Variants in HS6ST3 observed in about 807,000 individuals in gnomAD.
The protein encoded by HS6ST3 is heparan sulfate 6-O-sulfotransferase 3, also known as heparan-sulfate 6-O-sulfotransferase 3.
Under a neutral mutation model 36.7 loss-of-function variants are expected in HS6ST3, and 12 were observed. The observed-to-expected ratio is 0.33, with a 90% CI of 0.21 to 0.53. HS6ST3 has a LOEUF of 0.53. Among genes scored for constraint, HS6ST3 ranks in the 20% least tolerant of loss-of-function variants. The pLI, the probability that HS6ST3 is intolerant of heterozygous loss-of-function variation, is 0.95. For missense variants in HS6ST3, 584 were observed against 640.9 expected (o/e 0.91, Z 0.96); for synonymous variants, 240 against 257.5 (o/e 0.93, Z 0.65).
At position 96,240,412 on chromosome 13, in the gene HS6ST3, A is replaced by G. The variant is rs141374158; in HGVS notation, c.707+148843A>G. Among the ~76,000 whole-genome samples, 1,242 of 152,362 alleles carry G rather than the reference A, an allele frequency of 8.2e-3. 3 individuals carry two copies. The highest frequency in any genetic ancestry group is 0.013 in the Non-Finnish European group (915 of 68,040). ...AAGCTTTAGTACTCTATTGCTAAGA[A>G]TGGTGGCTATAATACATAATAATGT... On this transcript the variant is annotated intron_variant, in intron 1 of 1. Transcript: ENST00000376705.
At chr13:96,535,325 G>C (rs1215154179) in intron 1 of HS6ST3, among the ~76,000 whole-genome samples, 1 of 152,070 alleles carries the variant, frequency 6.6e-6, no homozygotes, top group Admixed American at 6.6e-5. Flanking sequence ...GGGAAACCAA[G>C]GCGGGCGAAT....
chr13:96,334,491 A>G lies in HS6ST3; in HGVS notation c.707+242922A>G, dbSNP rs367797489. ...AATTACTGCATTCGTCAGTTCTCAC[A>G]CTGCTCATAAAGACCTACCTGAGAC... On this transcript the variant is annotated intron_variant, in intron 1 of 1. Transcript: ENST00000376705. Among the ~76,000 whole-genome samples, 89 of 152,326 alleles carry G rather than the reference A, an allele frequency of 5.8e-4. 1 individual carries two copies. The South Asian group carries it at 0.018, about 30-fold the overall frequency.
intron 1 of HS6ST3, among the ~76,000 whole-genome samples, chr13:96,757,947 G>C (rs1002381966): frequency 6.6e-6 from 1 of 151,916 alleles, no homozygotes; most frequent in Non-Finnish European, 1.5e-5. Flanking sequence ...TAAGATTTTG[G>C]TCATAAAGCT....
At chr13:96,466,242 C>T (rs1195273978) in intron 1 of HS6ST3, among the ~76,000 whole-genome samples, 3 of 151,992 alleles carry the variant, frequency 2.0e-5, no homozygotes, top group African/African-American at 7.2e-5. Context: ...GATCACACCA[C>T]TGCACTCCAG....
chr13:96,235,214 G>A (rs1185614142), intron 1 of HS6ST3, among the ~76,000 whole-genome samples: 4 of 152,134 alleles, frequency 2.6e-5, no homozygotes, highest in African/African-American at 9.7e-5. Flanking sequence ...ATGACTAAAT[G>A]TATAGATGAG....
chr13:96,714,965 G>A (rs7992668), intron 1 of HS6ST3, among the ~76,000 whole-genome samples: 2 of 151,770 alleles, frequency 1.3e-5, no homozygotes, highest in African/African-American at 2.4e-5. Context: ...TTGTGGCCTC[G>A]TAACAGCACT....
intron 1 of HS6ST3, among the ~76,000 whole-genome samples, chr13:96,437,237 C>T (rs187256246): frequency 1.3e-5 from 2 of 152,214 alleles, no homozygotes; most frequent in African/African-American, 4.8e-5. Flanking sequence ...CCAGCATGAC[C>T]TTGTTAATTT....
chr13:96,359,120 TG>T (rs1465254791), intron 1 of HS6ST3, among the ~76,000 whole-genome samples: 1 of 152,128 alleles, frequency 6.6e-6, no homozygotes, highest in African/African-American at 2.4e-5. Context: ...TCTTTACTTT[TG>T]GGGGCAATTA....
chr13:96,417,834 A>C (rs1207007187), intron 1 of HS6ST3, among the ~76,000 whole-genome samples: 1 of 151,558 alleles, frequency 6.6e-6, no homozygotes, highest in Non-Finnish European at 1.5e-5. Context: ...AATTAATACT[A>C]ATTGCTTTTA....
At chr13:96,411,168 G>T (rs185084891) in intron 1 of HS6ST3, among the ~76,000 whole-genome samples, 1 of 152,302 alleles carries the variant, frequency 6.6e-6, no homozygotes, top group Non-Finnish European at 1.5e-5. Context: ...AAAAGACAAA[G>T]ATTTTATTTG....
At chr13:96,195,209 G>A (rs1398656153) in intron 1 of HS6ST3, among the ~76,000 whole-genome samples, 1 of 152,132 alleles carries the variant, frequency 6.6e-6, no homozygotes, top group East Asian at 1.9e-4. Context: ...GACCCACATA[G>A]GAAATTATAT....
At chr13:96,154,542 A>G (rs2054101554) in intron 1 of HS6ST3, among the ~76,000 whole-genome samples, 1 of 152,180 alleles carries the variant, frequency 6.6e-6, no homozygotes, top group African/African-American at 2.4e-5. Context: ...TAATTCTAAT[A>G]TTCTTACTCT....
chr13:96,434,779 A>G (rs185507692), intron 1 of HS6ST3, among the ~76,000 whole-genome samples: 162 of 152,102 alleles, frequency 1.1e-3, no homozygotes, highest in Admixed American at 2.7e-3. Context: ...TTATATTATC[A>G]TCATTTTCTG....
chr13:96,218,076 G>T (rs1425243128), intron 1 of HS6ST3, among the ~76,000 whole-genome samples: 1 of 152,160 alleles, frequency 6.6e-6, no homozygotes, highest in Non-Finnish European at 1.5e-5. Flanking sequence ...ATATTTAAAG[G>T]AGACTTTAAT....
intron 1 of HS6ST3, among the ~76,000 whole-genome samples, chr13:96,261,752 A>T (rs1201892404): frequency 6.6e-6 from 1 of 152,168 alleles, no homozygotes; most frequent in East Asian, 1.9e-4. Context: ...GTAAAGATAG[A>T]ATGTGTAGAG....
intron 1 of HS6ST3, among the ~76,000 whole-genome samples, chr13:96,785,697 C>T (rs1403599277): frequency 6.6e-6 from 1 of 152,074 alleles, no homozygotes; most frequent in Non-Finnish European, 1.5e-5. Flanking sequence ...CTCATGCAAA[C>T]AGGAAAGCAA....
At chr13:96,357,193 A>G (rs978394973) in intron 1 of HS6ST3, among the ~76,000 whole-genome samples, 2 of 152,156 alleles carry the variant, frequency 1.3e-5, no homozygotes, top group African/African-American at 2.4e-5. Flanking sequence ...AACTTTCTTC[A>G]TATTGACGAT....
At chr13:96,153,010 C>A (rs1196696027) in intron 1 of HS6ST3, among the ~76,000 whole-genome samples, 2 of 152,176 alleles carry the variant, frequency 1.3e-5, no homozygotes, top group African/African-American at 4.8e-5. Flanking sequence ...AAACTAGTTA[C>A]CACTCTTCAG....
intron 1 of HS6ST3, among the ~76,000 whole-genome samples, chr13:96,821,518 A>G (rs888276477): frequency 1.3e-5 from 2 of 152,250 alleles, no homozygotes; most frequent in African/African-American, 4.8e-5. Flanking sequence ...TTTGATGACT[A>G]AGTTGGTGAA....
Sources: gnomAD v4.1 joint callset for allele counts (sites outside exome capture counted in the v4.1 genomes callset) on GRCh38, gnomAD v4.1.1 for gene constraint, MANE v1.5 for transcripts, NCBI Gene and HGNC (gene_info 2026-07-23, HGNC 2026-07-21) for gene names.